Variants in NF1 observed in about 807,000 individuals in gnomAD.
NF1 encodes the protein neurofibromin 1, also known as neurofibromin.
Under a neutral mutation model 325.7 loss-of-function variants are expected in NF1, and 122 were observed. The observed-to-expected ratio is 0.37, with a 90% CI of 0.32 to 0.44. NF1 has a LOEUF of 0.44. NF1 is among the 20% of genes least tolerant of loss of function. The pLI is 1.00. For missense variants in NF1, 2,140 were observed against 3,415.4 expected (o/e 0.63, Z 9.31); for synonymous variants, 1,091 against 1,186.0 (o/e 0.92, Z 1.65).
At chr17:31,314,392 A>T (rs541958818) in intron 36 of NF1, 1 of 169,118 alleles carries the variant, frequency 5.9e-6, no homozygotes, top group African/African-American at 2.4e-5. Flanking sequence ...TTCTCATAAG[A>T]AGTGAGTGAT....
At chr17:31,105,669 C>T (rs916909922) in intron 1 of NF1, among the ~76,000 whole-genome samples, 2 of 152,148 alleles carry the variant, frequency 1.3e-5, no homozygotes, top group African/African-American at 4.8e-5. Flanking sequence ...CATGCGCCAC[C>T]ATGCCCAGCT....
intron 1 of NF1, among the ~76,000 whole-genome samples, chr17:31,122,714 T>A (rs1044596583): frequency 6.6e-6 from 1 of 152,234 alleles, no homozygotes; most frequent in African/African-American, 2.4e-5. Flanking sequence ...ATGAAGTATA[T>A]GGTTTGTAAT....
intron 1 of NF1, among the ~76,000 whole-genome samples, chr17:31,139,413 C>T (rs1218436092): frequency 6.6e-6 from 1 of 150,734 alleles, no homozygotes; most frequent in African/African-American, 2.5e-5. Flanking sequence ...CACACACACA[C>T]GGTAACTGTG....
chr17:31,119,861 T>C (rs1914280437), intron 1 of NF1, among the ~76,000 whole-genome samples: 1 of 152,228 alleles, frequency 6.6e-6, no homozygotes, highest in Admixed American at 6.5e-5. Flanking sequence ...ATTTATTAAA[T>C]AGGGAATCCT....
At position 31,233,167 on chromosome 17, in the gene NF1, T is replaced by A. The variant is rs1597720167; in HGVS notation, c.3662T>A (p.Leu1221His). The change falls in exon 27 of 58, where the codon CTC becomes CAC. Residue 1221 changes from leucine (L) to histidine (H), a missense_variant. This residue lies in a region of NF1 where 336 missense variants were observed against 399.0 expected (regional missense o/e 0.84). Coordinates refer to ENST00000358273, the MANE Select transcript of NF1 (RefSeq NM_001042492.3). ...ACAATGATGGGTGATCAAGGAGAAC[T>A]CCCTATAGCGATGGCTCTGGCCAAT... The part of the protein sequence containing the change: ...LVTMMGDQGE[L>H]PIAMALANVV... 6.2e-7 allele frequency: 1 copy of A among 1,614,146 alleles called. No homozygotes were observed. The highest frequency in any genetic ancestry group is 8.5e-7 in the Non-Finnish European group (1 of 1,180,020).
intron 18 of NF1, 30 bp from the exon 19 acceptor site, chr17:31,227,188 G>A (rs2151426762): frequency 1.9e-6 from 3 of 1,611,194 alleles, no homozygotes; most frequent in Non-Finnish European, 2.5e-6. Flanking sequence ...TCTAAGTGCA[G>A]TAACTTGATT....
At chr17:31,318,678 G>T (rs1467169900) in intron 36 of NF1, 2 of 1,614,094 alleles carry the variant, frequency 1.2e-6, no homozygotes, top group South Asian at 2.2e-5. Context: ...TTTTGCTTGT[G>T]TTTTCAATGC....
intron 36 of NF1, among the ~76,000 whole-genome samples, chr17:31,300,979 A>T (rs2068561129): frequency 6.6e-6 from 1 of 152,106 alleles, no homozygotes; most frequent in Non-Finnish European, 1.5e-5. Flanking sequence ...CACTATTAAA[A>T]GTTGTGTTTT....
At chr17:31,130,316 T>C (rs1915258299) in intron 1 of NF1, among the ~76,000 whole-genome samples, 1 of 152,136 alleles carries the variant, frequency 6.6e-6, no homozygotes, top group Admixed American at 6.5e-5. Flanking sequence ...CTGGTCACAA[T>C]ACTCCCGTGG....
rs2070714752 is a variant in NF1 at position 31,375,209 on chromosome 17, A to G, written c.*1054A>G. 4.5e-6 allele frequency: 1 copy of G among 224,534 alleles called. No homozygotes were observed. The highest frequency in any genetic ancestry group is 2.2e-5 in the African/African-American group (1 of 44,906). The allele number at this position is 224,534 out of a possible 1,614,324, so 13.9% of individuals were successfully genotyped here. A position where few individuals can be genotyped will look rare whatever the true frequency, so the allele number is the denominator to read the frequency against. Reference sequence around the variant, plus strand: ...TTTTTATTTTGTTAAATAATTTCCAAGAATAGAGTATGGTGTATATTATAA... The same window carrying G: ...TTTTTATTTTGTTAAATAATTTCCAGGAATAGAGTATGGTGTATATTATAA... On this transcript the variant is annotated 3_prime_UTR_variant, in exon 58 of 58. Coordinates refer to ENST00000358273, the MANE Select transcript of NF1 (RefSeq NM_001042492.3).
intron 27 of NF1, among the ~76,000 whole-genome samples, chr17:31,234,367 T>C (rs2067163655): frequency 6.6e-6 from 1 of 152,142 alleles, no homozygotes; most frequent in Admixed American, 6.6e-5. Context: ...AAAATAGTAA[T>C]TTTTTAAATA....
intron 27 of NF1, among the ~76,000 whole-genome samples, chr17:31,234,528 C>T (rs2067166970): frequency 6.6e-6 from 1 of 151,468 alleles, no homozygotes; most frequent in African/African-American, 2.4e-5. Flanking sequence ...ACAAAAAAAT[C>T]AGCTGGGCGT....
At position 31,353,001 on chromosome 17, in the gene NF1, C is replaced by T. The variant is rs532773333; in HGVS notation, c.7615+587C>T. Reference sequence around the variant, plus strand: ...TCAGCTCACTGCAACCTCTGCCTCCCGGGCTCAAGCAATTCTCCTGCCTCA... The same window carrying T: ...TCAGCTCACTGCAACCTCTGCCTCCTGGGCTCAAGCAATTCTCCTGCCTCA... On this transcript the variant is annotated intron_variant, in intron 51 of 57. Coordinates refer to ENST00000358273, the MANE Select transcript of NF1 (RefSeq NM_001042492.3). Among the ~76,000 whole-genome samples, 294 of 152,144 alleles carry T rather than the reference C, an allele frequency of 1.9e-3. 2 individuals carry two copies. The South Asian group carries it at 0.035, about 18-fold the overall frequency.
intron 1 of NF1, among the ~76,000 whole-genome samples, chr17:31,144,948 A>G (rs1288487853): frequency 2.0e-5 from 3 of 152,224 alleles, no homozygotes; most frequent in African/African-American, 7.2e-5. Flanking sequence ...ATAATCCGTG[A>G]CATCGTCAAA....
At chr17:31,311,816 T>C (rs539056036) in intron 36 of NF1, among the ~76,000 whole-genome samples, 1 of 152,318 alleles carries the variant, frequency 6.6e-6, no homozygotes, top group South Asian at 2.1e-4. Context: ...CACATTTCAC[T>C]GTATGTGCTA....
At chr17:31,358,809 A>G (rs2070335122) in intron 55 of NF1, 160 bp from the exon 56 acceptor site, 5 of 1,040,812 alleles carry the variant, frequency 4.8e-6, no homozygotes, top group Non-Finnish European at 7.2e-6. Flanking sequence ...TATGCTGAGT[A>G]TATTTTAAGT....
chr17:31,106,906 G>GC (rs1404353248), intron 1 of NF1, among the ~76,000 whole-genome samples: 1 of 152,090 alleles, frequency 6.6e-6, no homozygotes, highest in Non-Finnish European at 1.5e-5. Context: ...TTTCATGTTG[G>GC]CATTGCACAG....
rs755135948 is a variant in NF1, at chr17:31,338,143, C to T, written c.6819+4C>T. ...GATAATCCGTATTCTTAGCAAGGTA[C>T]CTGTTCCGCCCTCACTTCTCCCAAA... is the stretch of plus-strand genomic sequence containing the variant. On this transcript the variant is annotated splice_donor_region_variant and intron_variant, in intron 45 of 57. Transcript: ENST00000358273. 1.8e-5 allele frequency: 28 copies of T among 1,578,872 alleles called. No homozygotes were observed. Among genetic ancestry groups the T allele is most frequent in the Admixed American group, 3.3e-5 (2 of 59,942 alleles).
intron 1 of NF1, among the ~76,000 whole-genome samples, chr17:31,126,301 A>G (rs1964878356): frequency 6.6e-6 from 1 of 152,194 alleles, no homozygotes. Flanking sequence ...TCGGATATTC[A>G]TAGAGCATTT....
Sources: gnomAD v4.1 joint callset for allele counts (sites outside exome capture counted in the v4.1 genomes callset) on GRCh38, gnomAD v4.1.1 for gene constraint, gnomAD v4.1.1 regional missense constraint, MANE v1.5 for transcripts, NCBI Gene and HGNC (gene_info 2026-07-23, HGNC 2026-07-21) for gene names.